Variants in UBE2D3 observed in about 807,000 individuals in gnomAD.
UBE2D3 encodes the protein ubiquitin conjugating enzyme E2 D3.
Under a neutral mutation model 22.8 loss-of-function variants are expected in UBE2D3, and 2 were observed. That is an observed-to-expected ratio of 0.09 (90% CI 0.04 to 0.28). The LOEUF (loss-of-function observed/expected upper bound fraction) is 0.28. Among genes scored for constraint, UBE2D3 ranks in the 10% least tolerant of loss-of-function variants. The probability of loss-of-function intolerance (pLI) is 1.00; values close to 1 mark genes in which losing one functional copy is unlikely to be tolerated. For synonymous variants in UBE2D3, 56 were observed against 60.4 expected, an observed-to-expected ratio of 0.93 and a Z score of 0.34; for missense variants, 27 against 182.5, an observed-to-expected ratio of 0.15 and a Z score of 4.91.
intron 1 of UBE2D3, among the ~76,000 whole-genome samples, chr4:102,842,613 C>T (rs533178262): frequency 2.0e-5 from 3 of 151,962 alleles, no homozygotes; most frequent in East Asian, 1.9e-4. Context: ...TTTGATCATA[C>T]TTCTGCTGTG....
chr4:102,831,192 A>AT (rs1399620151), upstream of UBE2D3, among the ~76,000 whole-genome samples: 2 of 152,186 alleles, frequency 1.3e-5, no homozygotes, highest in Non-Finnish European at 2.9e-5. Context: ...CAGAATGCTC[A>AT]TTTACATATT....
intron 5 of UBE2D3, 27 bp downstream of exon 5, chr4:102,802,534 T>C (rs1439163537): frequency 3.2e-6 from 5 of 1,560,938 alleles, no homozygotes; most frequent in Non-Finnish European, 4.4e-6. Context: ...AAATCTATAC[T>C]AACAGATTTT....
chr4:102,829,253 C>G (rs1490383061), upstream of UBE2D3, among the ~76,000 whole-genome samples: 1 of 152,170 alleles, frequency 6.6e-6, no homozygotes, highest in African/African-American at 2.4e-5. Context: ...TGAACCACCC[C>G]GTGAGTAGCA....
chr4:102,808,750 T>C (rs1049333173), intron 4 of UBE2D3, among the ~76,000 whole-genome samples: 3 of 152,198 alleles, frequency 2.0e-5, no homozygotes, highest in Non-Finnish European at 4.4e-5. Context: ...TGTATCCTTA[T>C]TACCTGGCAC....
intron 2 of UBE2D3, chr4:102,811,755 T>C (rs1339131231): frequency 2.3e-6 from 1 of 443,758 alleles, no homozygotes; most frequent in Non-Finnish European, 4.5e-6. Flanking sequence ...AAAGGATGCC[T>C]AAATAAAAAA....
upstream of UBE2D3, chr4:102,827,904 G>C: frequency 1.0e-6 from 1 of 985,500 alleles, no homozygotes; most frequent in Non-Finnish European, 1.2e-6. Flanking sequence ...GCGCGATCCA[G>C]CCCCACGCCC....
At chr4:102,826,665 T>A (rs1730553761) in intron 1 of UBE2D3, 29 bp from the exon 2 acceptor site, 2 of 1,531,932 alleles carry the variant, frequency 1.3e-6, no homozygotes, top group Non-Finnish European at 1.7e-6. Flanking sequence ...AGATCAGCAC[T>A]CGCACAGGCC....
chr4:102,806,218 C>A (rs1355446892), intron 4 of UBE2D3, among the ~76,000 whole-genome samples: 1 of 152,100 alleles, frequency 6.6e-6, no homozygotes, highest in Non-Finnish European at 1.5e-5. Context: ...TTCTATAGAA[C>A]ATGTTCTCTA....
chr4:102,833,144 G>GTT (rs11329227), intron 1 of UBE2D3, among the ~76,000 whole-genome samples: 252 of 146,708 alleles, frequency 1.7e-3, no homozygotes, highest in South Asian at 3.4e-3. Context: ...TGTGCTACAT[G>GTT]TTTTTTTTTT....
chr4:102,797,393 T>A lies in UBE2D3; in HGVS notation c.*22A>T. Reference sequence around the variant, plus strand: ...AAGTTTATTCCAGCTATAATGCAGGTTATTCTGACTTTAAGGTAGCATCAC... The same window carrying A: ...AAGTTTATTCCAGCTATAATGCAGGATATTCTGACTTTAAGGTAGCATCAC... On this transcript the variant is annotated 3_prime_UTR_variant, in exon 8 of 8. Coordinates refer to ENST00000453744, the MANE Select transcript of UBE2D3 (RefSeq NM_181891.3). 6.3e-7 allele frequency: 1 copy of A among 1,585,490 alleles called. No homozygotes were observed. Among genetic ancestry groups the A allele is most frequent in the Non-Finnish European group, 8.6e-7 (1 of 1,162,606 alleles).
intron 1 of UBE2D3, among the ~76,000 whole-genome samples, chr4:102,862,987 T>C (rs902991322): frequency 1.3e-5 from 2 of 152,068 alleles, no homozygotes; most frequent in Non-Finnish European, 1.5e-5. Context: ...ACAGTTCACA[T>C]GGTGAGAGAG....
At chr4:102,860,127 G>A (rs1287064105) in intron 1 of UBE2D3, among the ~76,000 whole-genome samples, 7 of 148,454 alleles carry the variant, frequency 4.7e-5, no homozygotes, top group Middle Eastern at 7.0e-3. Flanking sequence ...GATTACAGGC[G>A]TGAGCCACCG....
At chr4:102,860,041 G>A (rs764558526) in intron 1 of UBE2D3, among the ~76,000 whole-genome samples, 7 of 151,972 alleles carry the variant, frequency 4.6e-5, no homozygotes, top group African/African-American at 1.2e-4. Context: ...TAGAGACGGC[G>A]TTTCACCATG....
At chr4:102,814,423 G>C (rs1321710670) in intron 2 of UBE2D3, among the ~76,000 whole-genome samples, 2 of 149,590 alleles carry the variant, frequency 1.3e-5, no homozygotes, top group Non-Finnish European at 3.0e-5. Flanking sequence ...TGAGTAGCTG[G>C]AATTACAGGC....
intron 1 of UBE2D3, among the ~76,000 whole-genome samples, chr4:102,847,802 C>A (rs966104840): frequency 6.6e-6 from 1 of 151,898 alleles, no homozygotes; most frequent in East Asian, 1.9e-4. Flanking sequence ...TGCCACCATG[C>A]GCAGCTAATT....
At chr4:102,828,085 G>A (rs1450019999), upstream of UBE2D3, 2 of 985,360 alleles carry the variant, frequency 2.0e-6, no homozygotes, top group Admixed American at 6.1e-5. Flanking sequence ...GCGAGACGCA[G>A]TAAGGCACCG....
In UBE2D3 at chr4:102,868,620, C is replaced by T. The variant is rs566506161; in HGVS notation, c.-129+95G>A. ...GGGGTCTGGGTAGGGGGAGGATACT[C>T]ATGGGCGAGTATGCAACCCTAGGGC... On this transcript the variant is annotated intron_variant, in intron 1 of 7. Transcript: ENST00000338145. 4 of 1,549,142 alleles carry T rather than the reference C, an allele frequency of 2.6e-6. No individual in the cohort carries two copies. In the African/African-American group the frequency reaches 4.1e-5, roughly 16 times the overall value.
At chr4:102,866,974 G>T (rs1368041017) in intron 1 of UBE2D3, among the ~76,000 whole-genome samples, 1 of 152,118 alleles carries the variant, frequency 6.6e-6, no homozygotes, top group African/African-American at 2.4e-5. Context: ...GGATAAAAAA[G>T]CTCCAGGGTT....
intron 1 of UBE2D3, among the ~76,000 whole-genome samples, chr4:102,868,532 A>T (rs1483099794): frequency 6.6e-6 from 1 of 152,118 alleles, no homozygotes; most frequent in African/African-American, 2.4e-5. Context: ...TGGTTTAGTT[A>T]AAATATTTTA....
Sources: allele counts gnomAD v4.1 joint callset (sites outside exome capture counted in the v4.1 genomes callset), GRCh38; gene constraint gnomAD v4.1.1; transcripts MANE v1.5; gene names NCBI Gene and HGNC (gene_info 2026-07-23, HGNC 2026-07-21).